FAF1: variants seen among roughly 807,000 people sequenced by gnomAD.
FAF1 encodes the protein FAS-associated factor 1.
FAF1 carries 25 observed loss-of-function variants against 92.5 expected under a neutral mutation model. The observed-to-expected ratio is 0.27, with a 90% CI of 0.20 to 0.38. The LOEUF is 0.38. Ranked by LOEUF, FAF1 falls within the 10% of genes least tolerant of loss-of-function variation. The pLI, the probability that FAF1 is intolerant of heterozygous loss-of-function variation, is 1.00. For missense variants in FAF1, 636 were observed against 793.3 expected (o/e 0.80, Z 2.38); for synonymous variants, 234 against 273.2 (o/e 0.86, Z 1.42).
chr1:50,935,517 C>T (rs1285414998), intron 1 of FAF1, among the ~76,000 whole-genome samples: 1 of 148,818 alleles, frequency 6.7e-6, no homozygotes, highest in Non-Finnish European at 1.5e-5. Flanking sequence ...GTCACCCAGA[C>T]TAGAGTGCAG....
chr1:50,667,381 A>G (rs1655685427), intron 7 of FAF1, among the ~76,000 whole-genome samples: 1 of 152,166 alleles, frequency 6.6e-6, no homozygotes, highest in East Asian at 1.9e-4. Flanking sequence ...CAGTAAATCA[A>G]TTATGCCCTA....
intron 7 of FAF1, among the ~76,000 whole-genome samples, chr1:50,678,981 G>A (rs967375004): frequency 1.3e-5 from 2 of 151,756 alleles, no homozygotes; most frequent in African/African-American, 4.8e-5. Flanking sequence ...CAGCTACTCG[G>A]GAGGCTGAAG....
chr1:50,909,825 C>T (rs903181649), intron 1 of FAF1, among the ~76,000 whole-genome samples: 6 of 152,106 alleles, frequency 3.9e-5, no homozygotes, highest in African/African-American at 1.4e-4. Flanking sequence ...TTTGAAGATC[C>T]CCCTTTAGCT....
intron 6 of FAF1, among the ~76,000 whole-genome samples, chr1:50,727,446 T>C (rs1465913052): frequency 6.6e-6 from 1 of 152,222 alleles, no homozygotes; most frequent in Non-Finnish European, 1.5e-5. Context: ...TCTTTAGAAA[T>C]GTGTCACTTT....
rs913168795 is a variant in FAF1 at position 50,591,152 on chromosome 1, G to T, written c.840+4969C>A. Among the ~76,000 whole-genome samples, 25 of 152,270 alleles carry T rather than the reference G, an allele frequency of 1.6e-4. 1 individual carries two copies. Among genetic ancestry groups the T allele is most frequent in the Middle Eastern group, 3.4e-3 (1 of 294 alleles). On this transcript the variant is annotated intron_variant, in intron 9 of 18. Transcript: ENST00000396153. ...CTATTTCTAGTTTTACCATGAAAGG[G>T]TGTTGAATGTTACCAAATGCAGATG...
At chr1:50,890,236 A>G (rs190172065) in intron 1 of FAF1, among the ~76,000 whole-genome samples, 18 of 151,960 alleles carry the variant, frequency 1.2e-4, no homozygotes, top group Admixed American at 5.9e-4. Context: ...CCATCCCTTT[A>G]TTTTGACCCT....
chr1:50,754,978 C>A (rs1363347725), intron 4 of FAF1, among the ~76,000 whole-genome samples: 1 of 152,096 alleles, frequency 6.6e-6, no homozygotes, highest in Non-Finnish European at 1.5e-5. Flanking sequence ...CAAGGTCCCT[C>A]CCACAACACG....
Position 50,652,358 on chromosome 1 carries a change from G to C in FAF1, c.744+3084C>G, listed in dbSNP as rs573984665. 9.9e-5 allele frequency among the ~76,000 whole-genome samples: 15 copies of C among 152,266 alleles called. No individual in the cohort carries two copies. In the South Asian group the frequency reaches 3.1e-3, roughly 32 times the overall value. ...AAAGACCATGCCAACTCAATTCAAT[G>C]AATTAGCACCTAAAATGTATAAGGC... On this transcript the variant is annotated intron_variant, in intron 8 of 18. Transcript: ENST00000396153.
In FAF1 at chr1:50,446,507, T is replaced by C. The variant is rs1346727743; in HGVS notation, c.1870-4984A>G. ...CTTAAAAAATCCAAAATCCAAAACATTTCTGGTCCCATGCACTTCAGATAA... is the reference window on the plus strand; with the variant it reads ...CTTAAAAAATCCAAAATCCAAAACACTTCTGGTCCCATGCACTTCAGATAA... On this transcript the variant is annotated intron_variant, in intron 18 of 18. Coordinates refer to ENST00000396153, the MANE Select transcript of FAF1 (RefSeq NM_007051.3). 3.3e-5 allele frequency among the ~76,000 whole-genome samples: 5 copies of C among 152,242 alleles called. No individual in the cohort carries two copies. In the East Asian group the frequency reaches 7.7e-4, roughly 24 times the overall value.
At chr1:50,617,693 GTT>G (rs61376152) in intron 8 of FAF1, among the ~76,000 whole-genome samples, 5 of 119,168 alleles carry the variant, frequency 4.2e-5, no homozygotes, top group African/African-American at 6.0e-5. Flanking sequence ...CTCCTCTTCT[GTT>G]TTTTTTTTTT....
chr1:50,958,861 G>A (rs1379756848), intron 1 of FAF1, among the ~76,000 whole-genome samples: 3 of 152,174 alleles, frequency 2.0e-5, no homozygotes, highest in Non-Finnish European at 4.4e-5. Flanking sequence ...TAGCTTCTAA[G>A]TTGATGCCAA....
chr1:50,514,752 C>T (rs1019247823), intron 15 of FAF1, among the ~76,000 whole-genome samples: 1 of 152,180 alleles, frequency 6.6e-6, no homozygotes, highest in East Asian at 1.9e-4. Context: ...GGATTTAGGA[C>T]TGGCTTACTA....
intron 4 of FAF1, among the ~76,000 whole-genome samples, chr1:50,760,204 A>T (rs555772578): frequency 1.7e-4 from 26 of 152,274 alleles, no homozygotes; most frequent in African/African-American, 5.5e-4. Context: ...TGAGTGACCT[A>T]CAAAGAGACT....
intron 13 of FAF1, among the ~76,000 whole-genome samples, chr1:50,558,534 C>CA (rs1451428257): frequency 3.3e-5 from 5 of 151,942 alleles, no homozygotes; most frequent in African/African-American, 1.2e-4. Context: ...CTAGAATATT[C>CA]AAAAAATATT....
At chr1:50,745,482 G>A (rs1659552213) in intron 4 of FAF1, among the ~76,000 whole-genome samples, 1 of 152,146 alleles carries the variant, frequency 6.6e-6, no homozygotes, top group Non-Finnish European at 1.5e-5. Flanking sequence ...AGTGTTGGAA[G>A]TGAGGCCTGA....
chr1:50,944,781 T>C (rs1453015335), intron 1 of FAF1, among the ~76,000 whole-genome samples: 35 of 152,232 alleles, frequency 2.3e-4, no homozygotes, highest in Admixed American at 2.2e-3. Flanking sequence ...ACATAGAAGA[T>C]AGATACCAAC....
At chr1:50,735,863 C>T (rs970070563) in intron 6 of FAF1, among the ~76,000 whole-genome samples, 3 of 152,034 alleles carry the variant, frequency 2.0e-5, no homozygotes, top group Non-Finnish European at 4.4e-5. Flanking sequence ...ACTACAGGTA[C>T]GTGCCACAAC....
At chr1:50,872,885 G>A (rs1327598428) in intron 1 of FAF1, among the ~76,000 whole-genome samples, 2 of 150,310 alleles carry the variant, frequency 1.3e-5, no homozygotes, top group Non-Finnish European at 3.0e-5. Context: ...GGCAACAACA[G>A]CGAAACTCCG....
At position 50,648,257 on chromosome 1, in the gene FAF1, T is replaced by TCAAAA. The variant is rs548826664; in HGVS notation, c.744+7180_744+7184dup. Among the ~76,000 whole-genome samples, 207 of 151,840 alleles carry TCAAAA rather than the reference T, an allele frequency of 1.4e-3. 1 individual carries two copies. Among genetic ancestry groups the TCAAAA allele is most frequent in the South Asian group, 9.6e-3 (46 of 4,782 alleles). ...TGGGTGACAAGAGTGAAACTCCGTC[T>TCAAAA]CAAAACAAAACAAAACAAAACAAAA... is the stretch of plus-strand genomic sequence containing the variant. On this transcript the variant is annotated intron_variant, in intron 8 of 18. Transcript: ENST00000396153.
Sources: allele counts gnomAD v4.1 joint callset (sites outside exome capture counted in the v4.1 genomes callset), GRCh38; gene constraint gnomAD v4.1.1; transcripts MANE v1.5; gene names NCBI Gene and HGNC (gene_info 2026-07-23, HGNC 2026-07-21).